The following NEURL3 variants were observed in gnomAD, a reference collection of about 807,000 sequenced individuals.
The protein encoded by NEURL3 is E3 ubiquitin-protein ligase NEURL3.
NEURL3 carries 19 observed loss-of-function variants against 17.6 expected under a neutral mutation model. That is an observed-to-expected ratio of 1.08 (90% confidence interval 0.75 to 1.58). The LOEUF (loss-of-function observed/expected upper bound fraction) is 1.58. Among genes scored for constraint, NEURL3 ranks in the 40% most tolerant of loss-of-function variants. The pLI is 0.00. For synonymous variants in NEURL3, 180 were observed against 161.4 expected, an observed-to-expected ratio of 1.11 and a Z score of -0.87; for missense variants, 342 against 379.6, an observed-to-expected ratio of 0.90 and a Z score of 0.82.
At chr2:96,499,298 C>T in intron 3 of NEURL3, 80 bp downstream of exon 3, 3 of 1,566,026 alleles carry the variant, frequency 1.9e-6, no homozygotes, top group South Asian at 1.1e-5. Context: ...GAATGAACAA[C>T]CAGTAGGACG....
intron 1 of NEURL3, among the ~76,000 whole-genome samples, chr2:96,502,085 G>A (rs1292527405): frequency 6.6e-6 from 1 of 152,168 alleles, no homozygotes; most frequent in African/African-American, 2.4e-5. Flanking sequence ...CCAAAGGTAA[G>A]CCTACCTGCA....
rs367732863 is a variant in NEURL3, at chr2:96,500,390, G to C, written c.514+49C>G. 2.1e-5 allele frequency: 34 copies of C among 1,592,134 alleles called. 1 individual carries two copies. Among genetic ancestry groups the C allele is most frequent in the African/African-American group, 4.0e-5 (3 of 74,798 alleles). On this transcript the variant is annotated intron_variant, in intron 2 of 3. Coordinates refer to ENST00000451794, the MANE Select transcript of NEURL3 (RefSeq NM_001285485.2). ...TCTGGATCGGTGTGGGGTGCCACTGGAGCCCCCATCTCCCCACCTCCCCTG... is the reference window on the plus strand; with the variant it reads ...TCTGGATCGGTGTGGGGTGCCACTGCAGCCCCCATCTCCCCACCTCCCCTG...
In NEURL3 at chr2:96,499,910, G is replaced by A. The variant is rs138420615; in HGVS notation, c.515-461C>T. On this transcript the variant is annotated intron_variant, in intron 2 of 3. Transcript: ENST00000451794. ...GGAGGCGGGGAGTGGACCACCACCC[G>A]GCCCAGGAATGCCAATATTTCTTGT... is the stretch of plus-strand genomic sequence containing the variant. The A allele has an allele frequency of 2.9e-3, 504 of 176,638 alleles. 1 individual carries two copies. The highest frequency in any genetic ancestry group is 4.2e-3 in the Non-Finnish European group (362 of 86,004). 10.9% of individuals were successfully genotyped at this position (176,638 alleles called of 1,614,324 possible).
intron 1 of NEURL3, among the ~76,000 whole-genome samples, chr2:96,501,181 A>G (rs1014700775): frequency 3.3e-5 from 5 of 152,034 alleles, no homozygotes; most frequent in African/African-American, 1.2e-4. Flanking sequence ...TCAGGCATAA[A>G]TATCTATATG....
chr2:96,500,604 C>A lies in NEURL3; in HGVS notation c.349G>T (p.Ala117Ser). The change falls in exon 2 of 4, where the codon GCG (alanine) becomes TCG (serine). Residue 117 changes from alanine (A) to serine (S), a missense_variant. Physicochemically the swap from Ala to Ser is moderately conservative, Grantham distance 99 (BLOSUM62 1). Coordinates refer to ENST00000451794, the MANE Select transcript of NEURL3 (RefSeq NM_001285485.2). ...TWAAVLPEGC[A>S]LTGDLVRFWV... ...AAGCGGACCAAGTCCCCAGTGAGCG[C>A]GCAGCCCTCAGGCAGCACGGCCGCC... 1 of 1,526,298 alleles carries A rather than the reference C, an allele frequency of 6.6e-7. No homozygotes were observed. Among genetic ancestry groups the A allele is most frequent in the Non-Finnish European group, 8.7e-7 (1 of 1,143,162 alleles). The allele number at this position is 1,526,298 out of a possible 1,614,324, so 94.5% of individuals were successfully genotyped here. A position where few individuals can be genotyped will look rare whatever the true frequency, so the allele number is the denominator to read the frequency against.
rs1384839811 is a variant in NEURL3, at chr2:96,500,910, G to A, written c.43C>T (p.Arg15Ter). 1.4e-5 allele frequency: 22 copies of A among 1,564,402 alleles called. No homozygotes were observed. Among genetic ancestry groups the A allele is most frequent in the Non-Finnish European group, 1.7e-5 (20 of 1,164,710 alleles). ...LCFEANAKAPREALRFHAEAK... is the reference protein window; with the variant it reads ...LCFEANAKAP ...TCGGCATGGAAGCGAAGTGCCTCTC[G>A]GGGCGCCTTGGCGTCTGTGGGTTGA... is the stretch of plus-strand genomic sequence containing the variant. The change falls in exon 2 of 4, where the codon CGA becomes TGA. Residue 15 changes from arginine (R) to a stop codon, truncating the protein, a stop_gained. Coordinates refer to ENST00000451794, the MANE Select transcript of NEURL3 (RefSeq NM_001285485.2). LOFTEE classifies it high-confidence loss of function.
At position 96,505,302 on chromosome 2, in the gene NEURL3, G is replaced by C. The variant is rs370702732; in HGVS notation, c.-16C>G. The C allele has an allele frequency of 3.1e-6, 5 of 1,598,956 alleles. No homozygotes were observed. The highest frequency in any genetic ancestry group is 1.7e-5 in the Admixed American group (1 of 59,990). On this transcript the variant is annotated 5_prime_UTR_variant, in exon 1 of 4. Coordinates refer to ENST00000451794, the MANE Select transcript of NEURL3 (RefSeq NM_001285485.2). ...GGGCACCCATCAGTCTAAGGTCCTC[G>C]GGCACAGGTCCCCAGGTCTAGAAGG... is the stretch of plus-strand genomic sequence containing the variant.
At position 96,500,574 on chromosome 2, in the gene NEURL3, C is replaced by A. The variant is rs1019565474; in HGVS notation, c.379G>T (p.Val127Leu). 5 of 1,542,316 alleles carry A rather than the reference C, an allele frequency of 3.2e-6. No individual in the cohort carries two copies. The highest frequency in any genetic ancestry group is 4.3e-6 in the Non-Finnish European group (5 of 1,151,736). ...GCGAAGAGGCAGCCGCGGCGGTCCA[C>A]CCAGAAGCGGACCAAGTCCCCAGTG... ...ALTGDLVRFW[V>L]DRRGCLFAKV... Residue 127 changes from valine to leucine, a missense_variant, in exon 2 of 4, where the codon GTG becomes TTG. Transcript: ENST00000451794.
Position 96,498,003 on chromosome 2 carries a change from AC to A in NEURL3, c.*240del, listed in dbSNP as rs1328632450. ...GGGCCACCCCATCTCTAAACAAAGCACCCCATCAGAAGGATAGTTCTGGCAT... is the reference window on the plus strand; with the variant it reads ...GGGCCACCCCATCTCTAAACAAAGCACCCATCAGAAGGATAGTTCTGGCAT... On this transcript the variant is annotated 3_prime_UTR_variant, in exon 4 of 4. Transcript: ENST00000451794. This position sits in a 1 kb window ranked among gnomAD's most constrained non-coding sequence, Gnocchi z 4.4. 5.7e-6 allele frequency: 3 copies of A among 523,386 alleles called. No individual in the cohort carries two copies. The highest frequency in any genetic ancestry group is 3.9e-5 in the African/African-American group (2 of 51,928). The allele number at this position is 523,386 out of a possible 1,614,324, so 32.4% of individuals were successfully genotyped here. A position where few individuals can be genotyped will look rare whatever the true frequency, so the allele number is the denominator to read the frequency against.
chr2:96,503,990 T>C (rs1198584730), intron 1 of NEURL3, among the ~76,000 whole-genome samples: 1 of 152,228 alleles, frequency 6.6e-6, no homozygotes, highest in Non-Finnish European at 1.5e-5. Context: ...CTGAGTGCCC[T>C]GCCCATGGGC....
chr2:96,498,101 C>CCTT lies in NEURL3; in HGVS notation c.*140_*142dup. 1.2e-6 allele frequency: 1 copy of CCTT among 836,108 alleles called. No individual in the cohort carries two copies. The allele number at this position is 836,108 out of a possible 1,614,324, so 51.8% of individuals were successfully genotyped here. On this transcript the variant is annotated 3_prime_UTR_variant, in exon 4 of 4. Coordinates refer to ENST00000451794, the MANE Select transcript of NEURL3 (RefSeq NM_001285485.2). The surrounding 1 kb of genome is among the most constrained non-coding windows in gnomAD (Gnocchi z 4.4). ...GGAGGCAGCAGACAGCACCTCCCTG[C>CCTT]CTTCCTCTCTCTGCCGCACCTCTTG...
chr2:96,502,983 G>A (rs1464989035), intron 1 of NEURL3, among the ~76,000 whole-genome samples: 1 of 152,204 alleles, frequency 6.6e-6, no homozygotes, highest in Non-Finnish European at 1.5e-5. Flanking sequence ...AGCACCATGG[G>A]CCTAGACGGG....
At position 96,498,750 on chromosome 2, in the gene NEURL3, C is replaced by CT. The variant is rs33928971; in HGVS notation, c.587-305dup. 8.6e-5 allele frequency among the ~76,000 whole-genome samples: 13 copies of CT among 151,542 alleles called. No individual in the cohort carries two copies. The highest frequency in any genetic ancestry group is 5.8e-4 in the East Asian group (3 of 5,140). ...AAATCCACCCAAGAGGTAATGGGTG[C>CT]TTTTTTTTTAACTTTCCTCTTTATC... On this transcript the variant is annotated intron_variant, in intron 3 of 3. Transcript: ENST00000451794. The surrounding 1 kb of genome is among the most constrained non-coding windows in gnomAD (Gnocchi z 4.4).
At chr2:96,500,144 C>G (rs1161554334) in intron 2 of NEURL3, 3 of 437,790 alleles carry the variant, frequency 6.9e-6, no homozygotes. Context: ...GCAAAGCCAG[C>G]CCAAATGTTT....
At position 96,498,468 on chromosome 2, in the gene NEURL3, G is replaced by T. The variant is rs2065466975; in HGVS notation, c.587-22C>A. On this transcript the variant is annotated intron_variant, in intron 3 of 3. Coordinates refer to ENST00000451794, the MANE Select transcript of NEURL3 (RefSeq NM_001285485.2). This position sits in a 1 kb window ranked among gnomAD's most constrained non-coding sequence, Gnocchi z 4.4. ...GTGGCTGGAAGAGGGAGCAACACAG[G>T]TCAGGGCACATGGGGGAAGGGGTGG... The T allele has an allele frequency of 1.9e-6, 3 of 1,578,364 alleles. No individual in the cohort carries two copies. Among genetic ancestry groups the T allele is most frequent in the Non-Finnish European group, 2.6e-6 (3 of 1,163,346 alleles).
Position 96,505,357 on chromosome 2 carries a change from T to G in NEURL3, c.-71A>C. 5 of 1,527,490 alleles carry G rather than the reference T, an allele frequency of 3.3e-6. No homozygotes were observed. The highest frequency in any genetic ancestry group is 4.5e-6 in the Non-Finnish European group (5 of 1,117,284). The allele number at this position is 1,527,490 out of a possible 1,614,324, so 94.6% of individuals were successfully genotyped here. A position where few individuals can be genotyped will look rare whatever the true frequency, so the allele number is the denominator to read the frequency against. ...GCCTGGAGAAGGCCAGTGGACAGGT[T>G]ACCAAAGATTCAGCAGGTCTGCTTT... On this transcript the variant is annotated 5_prime_UTR_variant, in exon 1 of 4. Transcript: ENST00000451794.
intron 1 of NEURL3, chr2:96,504,478 A>G (rs1304839626): frequency 1.3e-5 from 2 of 152,222 alleles, no homozygotes; most frequent in Admixed American, 1.3e-4. Flanking sequence ...CTGTGAGCCC[A>G]TGGTGCCCAC....
chr2:96,505,214 C>T (rs1169244205), intron 1 of NEURL3, 45 bp downstream of exon 1: 3 of 1,597,418 alleles, frequency 1.9e-6, no homozygotes, highest in South Asian at 2.2e-5. Flanking sequence ...TACCTGTACC[C>T]CCAGTCCAGA....
chr2:96,499,157 C>A, intron 3 of NEURL3: 3 of 1,331,970 alleles, frequency 2.3e-6, no homozygotes, highest in Non-Finnish European at 2.9e-6. Context: ...CAAAATAACA[C>A]TGTCTGTTCA....
Sources: gnomAD v4.1 joint callset for allele counts (sites outside exome capture counted in the v4.1 genomes callset) on GRCh38, gnomAD v4.1.1 for gene constraint, Gnocchi (gnomAD v3.1) non-coding constraint, MANE v1.5 for transcripts, NCBI Gene and HGNC (gene_info 2026-07-23, HGNC 2026-07-21) for gene names.